The following FRMD4A variants were observed in gnomAD, a reference collection of about 807,000 sequenced individuals.
FRMD4A encodes FERM domain containing 4A, also known as FERM domain-containing protein 4A.
In FRMD4A, 29 loss-of-function variants were observed where a neutral mutation model predicts 129.1. The ratio of observed to expected loss-of-function variants is 0.22; its 90% CI spans 0.17 to 0.31. The LOEUF (loss-of-function observed/expected upper bound fraction) is 0.31, where lower values mean the gene tolerates loss of function less well. Among genes scored for constraint, FRMD4A ranks in the 10% least tolerant of loss-of-function variants. The pLI, the probability that FRMD4A is intolerant of heterozygous loss-of-function variation, is 1.00. For missense variants in FRMD4A, 1,272 were observed against 1,375.8 expected, an observed-to-expected ratio of 0.92 and a Z score of 1.19; for synonymous variants, 634 against 571.6, an observed-to-expected ratio of 1.11 and a Z score of -1.56.
chr10:13,957,722 G>T (rs774620221), intron 2 of FRMD4A, among the ~76,000 whole-genome samples: 1 of 152,138 alleles, frequency 6.6e-6, no homozygotes, highest in Admixed American at 6.5e-5. Context: ...GAATTCATTG[G>T]GTTGAACAAA....
intron 12 of FRMD4A, among the ~76,000 whole-genome samples, chr10:13,735,096 C>T (rs763617225): frequency 2.0e-5 from 3 of 152,182 alleles, no homozygotes; most frequent in Non-Finnish European, 4.4e-5. Flanking sequence ...TGGTCTCGAA[C>T]TCCTGAACTC....
intron 2 of FRMD4A, among the ~76,000 whole-genome samples, chr10:14,016,014 G>A (rs941715001): frequency 6.6e-6 from 1 of 152,190 alleles, no homozygotes. Flanking sequence ...AACTGGGGAT[G>A]CAAGATAACT....
rs540203803 is a variant in FRMD4A, at chr10:13,834,307, A to C, written c.112-23399T>G. Among the ~76,000 whole-genome samples the C allele has an allele frequency of 4.0e-3, 613 of 152,176 alleles. 4 individuals are homozygous for C. Among genetic ancestry groups the C allele is most frequent in the African/African-American group, 0.014 (580 of 41,518 alleles). On this transcript the variant is annotated intron_variant, in intron 3 of 24. Coordinates refer to ENST00000357447, the MANE Select transcript of FRMD4A (RefSeq NM_018027.5). ...CAAAACAAAACAAAAACCACCACCA[A>C]CAACAAAACAAAACAAAACCAAACC...
At chr10:13,740,688 A>G (rs2090937352) in intron 9 of FRMD4A, 111 bp from the exon 10 acceptor site, 3 of 653,870 alleles carry the variant, frequency 4.6e-6, no homozygotes. Context: ...CAAGGCACCA[A>G]CAGCTCCTGG....
chr10:14,302,627 T>G (rs1318096980), intron 2 of FRMD4A, among the ~76,000 whole-genome samples: 2 of 152,190 alleles, frequency 1.3e-5, no homozygotes, highest in Non-Finnish European at 2.9e-5. Flanking sequence ...ACATAGTAAT[T>G]TCACTAAAGA....
chr10:13,793,836 G>C (rs1564813303), intron 5 of FRMD4A, among the ~76,000 whole-genome samples: 1 of 152,172 alleles, frequency 6.6e-6, no homozygotes, highest in Admixed American at 6.6e-5. Flanking sequence ...TTCTTCCCAG[G>C]ATGAAAAGCA....
At chr10:14,019,493 A>G (rs533035323) in intron 2 of FRMD4A, among the ~76,000 whole-genome samples, 3 of 152,330 alleles carry the variant, frequency 2.0e-5, no homozygotes, top group East Asian at 3.9e-4. Flanking sequence ...ATGCCAATAT[A>G]TTCAGTAGAC....
At chr10:14,085,769 T>C (rs1836233538) in intron 2 of FRMD4A, among the ~76,000 whole-genome samples, 1 of 152,226 alleles carries the variant, frequency 6.6e-6, no homozygotes, top group Non-Finnish European at 1.5e-5. Context: ...CTGGACCATC[T>C]GCCTGGTCCC....
At chr10:13,772,369 T>C (rs2092483163) in intron 6 of FRMD4A, among the ~76,000 whole-genome samples, 1 of 151,952 alleles carries the variant, frequency 6.6e-6, no homozygotes, top group South Asian at 2.1e-4. Context: ...TTAAGTTACC[T>C]ACAGGTCGAG....
chr10:13,916,432 T>C (rs1382923226), intron 2 of FRMD4A, among the ~76,000 whole-genome samples: 1 of 152,232 alleles, frequency 6.6e-6, no homozygotes, highest in Non-Finnish European at 1.5e-5. Context: ...GGTCAAGGTC[T>C]TTATTGCCCT....
intron 8 of FRMD4A, among the ~76,000 whole-genome samples, chr10:13,751,752 T>C (rs1027538257): frequency 1.3e-5 from 2 of 152,212 alleles, no homozygotes; most frequent in South Asian, 4.1e-4. Context: ...GGCTCATGCT[T>C]ATAATCCCAG....
At chr10:13,785,867 T>C (rs934412014) in intron 5 of FRMD4A, among the ~76,000 whole-genome samples, 45 of 151,458 alleles carry the variant, frequency 3.0e-4, no homozygotes, top group Non-Finnish European at 4.7e-4. Flanking sequence ...TAAGAACATG[T>C]GGTGTTTGGT....
chr10:13,906,596 G>A (rs969468600), intron 2 of FRMD4A, among the ~76,000 whole-genome samples: 2 of 152,162 alleles, frequency 1.3e-5, no homozygotes, highest in African/African-American at 4.8e-5. Flanking sequence ...GCTTTTGTCT[G>A]TATACAATAC....
intron 6 of FRMD4A, among the ~76,000 whole-genome samples, chr10:13,779,986 T>C (rs2092695433): frequency 6.6e-6 from 1 of 152,152 alleles, no homozygotes; most frequent in Non-Finnish European, 1.5e-5. Context: ...GCATTCGTTA[T>C]GTGCATGCCG....
At chr10:13,754,370 A>G (rs748821263) in intron 8 of FRMD4A, among the ~76,000 whole-genome samples, 4 of 152,214 alleles carry the variant, frequency 2.6e-5, no homozygotes, top group Admixed American at 2.0e-4. Flanking sequence ...AGCTCCATCA[A>G]ATAGACTTTA....
At chr10:13,775,455 C>T (rs2092574003) in intron 6 of FRMD4A, among the ~76,000 whole-genome samples, 1 of 152,026 alleles carries the variant, frequency 6.6e-6, no homozygotes. Context: ...TATATCCAGT[C>T]AAACTATTCA....
At chr10:13,904,686 T>A (rs1173243716) in intron 2 of FRMD4A, among the ~76,000 whole-genome samples, 3 of 152,206 alleles carry the variant, frequency 2.0e-5, no homozygotes, top group East Asian at 3.8e-4. Context: ...GTTAAATCCA[T>A]CCTGCTAATA....
intron 2 of FRMD4A, among the ~76,000 whole-genome samples, chr10:14,133,262 G>A (rs1839361552): frequency 6.6e-6 from 1 of 152,182 alleles, no homozygotes; most frequent in Non-Finnish European, 1.5e-5. Flanking sequence ...GTTAAAGCCT[G>A]AAGGCTTTAA....
intron 12 of FRMD4A, among the ~76,000 whole-genome samples, chr10:13,708,538 T>G (rs1424272883): frequency 6.6e-6 from 1 of 152,170 alleles, no homozygotes. Context: ...CGGCTCAGAG[T>G]GCATTTCACT....
Sources: gnomAD v4.1 joint callset for allele counts (sites outside exome capture counted in the v4.1 genomes callset) on GRCh38, gnomAD v4.1.1 for gene constraint, MANE v1.5 for transcripts, NCBI Gene and HGNC (gene_info 2026-07-23, HGNC 2026-07-21) for gene names.